Variants in CADM2 observed in about 807,000 individuals in gnomAD.
CADM2 encodes the protein cell adhesion molecule 2.
A neutral mutation model predicts 49.8 loss-of-function variants in CADM2; 12 were observed. That is an observed-to-expected ratio of 0.24 (90% CI 0.15 to 0.39). The LOEUF is 0.39. Ranked by LOEUF, CADM2 falls within the 10% of genes least tolerant of loss-of-function variation. The pLI, the probability that CADM2 is intolerant of heterozygous loss-of-function variation, is 1.00. For synonymous variants in CADM2, 214 were observed against 175.4 expected (o/e 1.22, Z -1.74); for missense variants, 378 against 492.3 (o/e 0.77, Z 2.20).
At chr3:85,198,881 T>G (rs1005502099) in intron 1 of CADM2, among the ~76,000 whole-genome samples, 2 of 151,902 alleles carry the variant, frequency 1.3e-5, no homozygotes, top group African/African-American at 4.8e-5. Flanking sequence ...TTATAGTAAG[T>G]TCTCCCTTAA....
intron 1 of CADM2, among the ~76,000 whole-genome samples, chr3:85,035,943 C>T (rs1246620880): frequency 6.6e-6 from 1 of 152,166 alleles, no homozygotes; most frequent in Admixed American, 6.5e-5. Context: ...ATCGTAACTG[C>T]TGTTTTATCT....
chr3:85,254,699 T>G (rs150154085), intron 1 of CADM2, among the ~76,000 whole-genome samples: 1 of 152,188 alleles, frequency 6.6e-6, no homozygotes, highest in East Asian at 1.9e-4. Flanking sequence ...GCAGAACAAT[T>G]TAGTGGCAAT....
intron 1 of CADM2, among the ~76,000 whole-genome samples, chr3:84,986,497 C>A (rs1018247773): frequency 1.3e-4 from 19 of 151,976 alleles, no homozygotes; most frequent in African/African-American, 3.4e-4. Flanking sequence ...TAAAAATGGA[C>A]CTTGAATTTT....
chr3:85,900,239 T>G (rs1375378183), intron 5 of CADM2, among the ~76,000 whole-genome samples: 1 of 152,186 alleles, frequency 6.6e-6, no homozygotes. Context: ...GAAGGAGTAG[T>G]CTTTGTCATT....
chr3:85,903,868 T>G (rs1156675977), intron 5 of CADM2, among the ~76,000 whole-genome samples: 2 of 152,200 alleles, frequency 1.3e-5, no homozygotes, highest in African/African-American at 4.8e-5. Context: ...TATAGCTTGA[T>G]CCATTTACAT....
At chr3:85,107,704 T>TG in intron 1 of CADM2, among the ~76,000 whole-genome samples, 1 of 73,886 alleles carries the variant, frequency 1.4e-5, no homozygotes, top group African/African-American at 4.5e-5. Context: ...TTTCTCTTTC[T>TG]TTTTTTTTTT....
At chr3:85,146,778 A>G (rs2107638159) in intron 1 of CADM2, among the ~76,000 whole-genome samples, 1 of 152,324 alleles carries the variant, frequency 6.6e-6, no homozygotes, top group South Asian at 2.1e-4. Context: ...AATTTAATGC[A>G]TTATTTCATT....
intron 1 of CADM2, among the ~76,000 whole-genome samples, chr3:85,150,874 A>C (rs920492931): frequency 2.0e-5 from 3 of 151,710 alleles, no homozygotes; most frequent in African/African-American, 7.3e-5. Context: ...GCACCATTGC[A>C]CTCCAGCCCG....
At chr3:85,954,609 G>C (rs561510300) in intron 7 of CADM2, among the ~76,000 whole-genome samples, 29 of 150,908 alleles carry the variant, frequency 1.9e-4, no homozygotes, top group Non-Finnish European at 3.7e-4. Flanking sequence ...AGCAGTGTTT[G>C]GGCTTCGTTT....
intron 1 of CADM2, among the ~76,000 whole-genome samples, chr3:85,373,024 G>T (rs1435659322): frequency 6.6e-6 from 1 of 151,936 alleles, no homozygotes; most frequent in East Asian, 1.9e-4. Context: ...TTCTGGTCTT[G>T]GCCCCTCCCA....
At chr3:85,911,429 G>A (rs1023321032) in intron 5 of CADM2, among the ~76,000 whole-genome samples, 2 of 152,180 alleles carry the variant, frequency 1.3e-5, no homozygotes, top group African/African-American at 4.8e-5. Flanking sequence ...TTCACATCTT[G>A]TAGAAAGTAC....
chr3:85,534,611 C>T (rs927171116), intron 1 of CADM2, among the ~76,000 whole-genome samples: 2 of 152,136 alleles, frequency 1.3e-5, no homozygotes, highest in East Asian at 3.9e-4. Context: ...GTAACATATA[C>T]CTCCCACAAA....
chr3:85,994,525 A>C (rs1729137462), intron 8 of CADM2: 1 of 152,152 alleles, frequency 6.6e-6, no homozygotes, highest in South Asian at 2.1e-4. Context: ...TGCATTTACA[A>C]CTTGACTGGC....
intron 1 of CADM2, among the ~76,000 whole-genome samples, chr3:85,093,849 G>A (rs1219207213): frequency 1.3e-5 from 2 of 152,026 alleles, no homozygotes; most frequent in Non-Finnish European, 2.9e-5. Flanking sequence ...CTGTGTGCTG[G>A]GAGAGGAGTT....
At chr3:86,011,022 C>T (rs1001730052) in intron 8 of CADM2, among the ~76,000 whole-genome samples, 11 of 151,746 alleles carry the variant, frequency 7.2e-5, no homozygotes, top group Non-Finnish European at 1.6e-4. Flanking sequence ...TACCTTTTAT[C>T]GTATATCTAC....
At chr3:85,743,676 T>C (rs1478162677) in intron 2 of CADM2, among the ~76,000 whole-genome samples, 1 of 152,148 alleles carries the variant, frequency 6.6e-6, no homozygotes, top group Non-Finnish European at 1.5e-5. Context: ...TCTACAAACC[T>C]GTCCTCACAA....
At chr3:85,954,027 A>G (rs2108594554) in intron 7 of CADM2, among the ~76,000 whole-genome samples, 1 of 151,054 alleles carries the variant, frequency 6.6e-6, no homozygotes, top group East Asian at 2.0e-4. Context: ...TATATTTTAA[A>G]ATGAGCCTAA....
At chr3:85,816,910 T>A (rs1342307722) in intron 3 of CADM2, among the ~76,000 whole-genome samples, 1 of 152,196 alleles carries the variant, frequency 6.6e-6, no homozygotes, top group Non-Finnish European at 1.5e-5. Context: ...TTTTTCACCC[T>A]CTCTTCAGGA....
intron 2 of CADM2, among the ~76,000 whole-genome samples, chr3:85,786,960 T>G (rs976656333): frequency 2.0e-5 from 3 of 152,096 alleles, no homozygotes; most frequent in Admixed American, 1.3e-4. Flanking sequence ...TGCTGGGAAC[T>G]TGTTCATTTG....
Sources: gnomAD v4.1 joint callset for allele counts (sites outside exome capture counted in the v4.1 genomes callset) on GRCh38, gnomAD v4.1.1 for gene constraint, MANE v1.5 for transcripts, NCBI Gene and HGNC (gene_info 2026-07-23, HGNC 2026-07-21) for gene names.